PRKN: variants seen among roughly 807,000 people sequenced by gnomAD.
PRKN encodes parkin RBR E3 ubiquitin protein ligase, also known as E3 ubiquitin-protein ligase parkin.
In PRKN, 56 loss-of-function variants were observed where a neutral mutation model predicts 59.5. That is an observed-to-expected ratio of 0.94 (90% CI 0.76 to 1.18). The LOEUF (loss-of-function observed/expected upper bound fraction) is 1.18, where lower values mean the gene tolerates loss of function less well. PRKN is among the 50% of genes most tolerant of loss of function. The pLI is 0.00. For synonymous variants in PRKN, 250 were observed against 222.1 expected (o/e 1.13, Z -1.12); for missense variants, 657 against 596.4 (o/e 1.10, Z -1.06).
At chr6:162,350,219 A>C (rs958632194) in intron 2 of PRKN, among the ~76,000 whole-genome samples, 20 of 152,298 alleles carry the variant, frequency 1.3e-4, no homozygotes, top group Middle Eastern at 3.4e-3. Context: ...CAAGTAAATG[A>C]AGTATGTTAT....
chr6:161,601,349 G>C (rs908651541), intron 7 of PRKN, among the ~76,000 whole-genome samples: 3 of 152,080 alleles, frequency 2.0e-5, no homozygotes, highest in Non-Finnish European at 4.4e-5. Context: ...CTTGGTGAAA[G>C]GGGCAAACAA....
chr6:162,698,244 G>A (rs1778032612), intron 1 of PRKN, among the ~76,000 whole-genome samples: 1 of 152,130 alleles, frequency 6.6e-6, no homozygotes, highest in African/African-American at 2.4e-5. Flanking sequence ...CTTGCTAACA[G>A]AACCTTGGCA....
chr6:161,497,315 A>C lies in PRKN; in HGVS notation c.1083+51539T>G, dbSNP rs1362592771. Among the ~76,000 whole-genome samples the C allele has an allele frequency of 6.6e-6, 1 of 152,180 alleles. No homozygotes were observed. The highest frequency in any genetic ancestry group is 1.9e-4 in the East Asian group (1 of 5,182). Reference sequence around the variant, plus strand: ...GGCGAGTGGAGGACAGGGTGTCCCCACTACAGGAAGAAAGAGAGACATCAT... The same window carrying C: ...GGCGAGTGGAGGACAGGGTGTCCCCCCTACAGGAAGAAAGAGAGACATCAT... On this transcript the variant is annotated intron_variant, in intron 9 of 11. Transcript: ENST00000366898. The surrounding 1 kb of genome is among the most constrained non-coding windows in gnomAD (Gnocchi z 4.6).
intron 5 of PRKN, among the ~76,000 whole-genome samples, chr6:162,030,125 C>T (rs1302240669): frequency 2.0e-5 from 3 of 152,166 alleles, no homozygotes; most frequent in Admixed American, 6.5e-5. Flanking sequence ...CAGGCGAGAA[C>T]CACCGTGCCC....
rs1470941001 is a variant in PRKN at position 162,055,044 on chromosome 6, C to T, written c.535-870G>A. On this transcript the variant is annotated intron_variant, in intron 4 of 11. Transcript: ENST00000366898. ...GGGTGTGGTGGCACGCGCCTGTAAT[C>T]ACAACTACTCAGGAGGCCAAGGTAG... 2.6e-5 allele frequency among the ~76,000 whole-genome samples: 4 copies of T among 152,142 alleles called. 1 individual carries two copies. The highest frequency in any genetic ancestry group is 9.7e-5 in the African/African-American group (4 of 41,450).
At position 161,470,609 on chromosome 6, in the gene PRKN, A is replaced by C. The variant is rs530992495; in HGVS notation, c.1083+78245T>G. 3.9e-5 allele frequency among the ~76,000 whole-genome samples: 6 copies of C among 152,284 alleles called. No individual in the cohort carries two copies. The South Asian group carries it at 6.2e-4, about 16-fold the overall frequency. ...CTGGAGCAAAGAGTCTGTGGAGCTA[A>C]AAAGCTGCACCCACAACAGCACATG... is the stretch of plus-strand genomic sequence containing the variant. On this transcript the variant is annotated intron_variant, in intron 9 of 11. Transcript: ENST00000366898. This position sits in a 1 kb window ranked among gnomAD's most constrained non-coding sequence, Gnocchi z 5.1.
chr6:162,051,741 C>T (rs1003225018), intron 5 of PRKN, among the ~76,000 whole-genome samples: 3 of 152,094 alleles, frequency 2.0e-5, no homozygotes, highest in Non-Finnish European at 4.4e-5. Context: ...GGGGCAGCTG[C>T]CGCCCCCACA....
chr6:161,916,605 A>T (rs1037067563), intron 6 of PRKN, among the ~76,000 whole-genome samples: 6 of 152,194 alleles, frequency 3.9e-5, no homozygotes, highest in Non-Finnish European at 5.9e-5. Flanking sequence ...TTTAAGCTAA[A>T]ATTGGCCCTT....
At chr6:161,680,732 T>C (rs181260530) in intron 7 of PRKN, among the ~76,000 whole-genome samples, 1,544 of 7,986 alleles carry the variant, frequency 0.19, 77 homozygotes, top group African/African-American at 0.38. Context: ...AATACATATA[T>C]ATATATATAT....
At chr6:161,852,575 T>C (rs1360354471) in intron 6 of PRKN, among the ~76,000 whole-genome samples, 1 of 152,112 alleles carries the variant, frequency 6.6e-6, no homozygotes, top group Non-Finnish European at 1.5e-5. Context: ...AACACTCAAT[T>C]CAAGGTAAAC....
chr6:161,648,511 C>A (rs1784039572), intron 7 of PRKN, among the ~76,000 whole-genome samples: 1 of 152,154 alleles, frequency 6.6e-6, no homozygotes, highest in East Asian at 1.9e-4. Flanking sequence ...GGAGCCAGCC[C>A]TATAGTTCTT....
rs79615261 is a variant in PRKN, at chr6:161,602,204, A to G, written c.872-32788T>C. On this transcript the variant is annotated intron_variant, in intron 7 of 11. Coordinates refer to ENST00000366898, the MANE Select transcript of PRKN (RefSeq NM_004562.3). ...TTTATCCAATCAATCAATCTAATCA[A>G]CCAACCATTCAATGTATCTCTCTAT... Among the ~76,000 whole-genome samples the G allele has an allele frequency of 6.6e-4, 100 of 152,254 alleles. No individual in the cohort carries two copies. In the East Asian group the frequency reaches 0.016, roughly 25 times the overall value.
intron 6 of PRKN, among the ~76,000 whole-genome samples, chr6:161,860,068 C>A (rs1028608623): frequency 1.3e-5 from 2 of 152,060 alleles, no homozygotes; most frequent in Non-Finnish European, 2.9e-5. Flanking sequence ...GGTCACAAAT[C>A]AAAGTCTCAT....
At chr6:162,230,174 GTATATATGCATGAGCATATCTTACTGAA>G (rs1562597935) in intron 3 of PRKN, among the ~76,000 whole-genome samples, 1 of 152,226 alleles carries the variant, frequency 6.6e-6, no homozygotes, top group Non-Finnish European at 1.5e-5. Context: ...CATTACATAT[GTATATATGCATGAGCATATCTTACTGAA>G]GCAATTTTTA....
chr6:162,431,834 C>T (rs866627544), intron 2 of PRKN, among the ~76,000 whole-genome samples: 72 of 152,204 alleles, frequency 4.7e-4, no homozygotes, highest in African/African-American at 1.6e-3. Context: ...TTTTCAAATT[C>T]GTAATGCAAA....
At chr6:162,674,888 C>G (rs1022659397) in intron 1 of PRKN, among the ~76,000 whole-genome samples, 7 of 152,058 alleles carry the variant, frequency 4.6e-5, no homozygotes, top group African/African-American at 1.4e-4. Flanking sequence ...TGCTGAGGGA[C>G]AGTCAGAAGA....
chr6:161,439,845 G>A (rs1302296300), intron 9 of PRKN, among the ~76,000 whole-genome samples: 2 of 152,272 alleles, frequency 1.3e-5, no homozygotes, highest in Non-Finnish European at 2.9e-5. Flanking sequence ...ATCTCGTGGG[G>A]CAGGTACTAT....
At position 161,593,865 on chromosome 6, in the gene PRKN, C is replaced by T. The variant is rs1398794419; in HGVS notation, c.872-24449G>A. On this transcript the variant is annotated intron_variant, in intron 7 of 11. Transcript: ENST00000366898. This position sits in a 1 kb window ranked among gnomAD's most constrained non-coding sequence, Gnocchi z 4.8. ...TAGGTGGAGGTGATAGAATTGACTG[C>T]TGGAGGCCGGGCGCAGTGGCTCATG... Among the ~76,000 whole-genome samples, 1 of 152,006 alleles carries T rather than the reference C, an allele frequency of 6.6e-6. No individual in the cohort carries two copies. The highest frequency in any genetic ancestry group is 1.5e-5 in the Non-Finnish European group (1 of 67,996).
chr6:162,498,377 T>C (rs892660459), intron 1 of PRKN, among the ~76,000 whole-genome samples: 1 of 145,844 alleles, frequency 6.9e-6, no homozygotes, highest in Non-Finnish European at 1.5e-5. Context: ...GCAGAATCAT[T>C]TTTTTTCTTT....
Sources: allele counts gnomAD v4.1 joint callset (sites outside exome capture counted in the v4.1 genomes callset), GRCh38; gene constraint gnomAD v4.1.1; non-coding constraint Gnocchi (gnomAD v3.1); transcripts MANE v1.5; gene names NCBI Gene and HGNC (gene_info 2026-07-23, HGNC 2026-07-21).